ENTREP2: variants seen among roughly 807,000 people sequenced by gnomAD.
The protein encoded by ENTREP2 is protein ENTREP2.
chr15:29,552,717 T>C, the ENTREP2 span, among the ~76,000 whole-genome samples: 1 of 152,202 alleles, frequency 6.6e-6, no homozygotes, highest in East Asian at 1.9e-4. Context: ...AAATGATATG[T>C]TACACGTCTA....
chr15:29,442,738 C>T, the ENTREP2 span, among the ~76,000 whole-genome samples: 6,332 of 152,308 alleles, frequency 0.042, 167 homozygotes, highest in South Asian at 0.12. Flanking sequence ...GGAAAGTCAG[C>T]CTCAGCGATG....
chr15:29,586,074 C>T, the ENTREP2 span, among the ~76,000 whole-genome samples: 4 of 152,152 alleles, frequency 2.6e-5, no homozygotes, highest in Admixed American at 6.6e-5. Context: ...CCTATATATC[C>T]CTCAACAGAT....
the ENTREP2 span, among the ~76,000 whole-genome samples, chr15:29,318,305 G>A: frequency 2.1e-5 from 3 of 142,582 alleles, no homozygotes; most frequent in Admixed American, 1.4e-4. Context: ...TTAAATTAAG[G>A]TATGTACACT....
At chr15:29,637,942 T>C in the ENTREP2 span, among the ~76,000 whole-genome samples, 3 of 152,160 alleles carry the variant, frequency 2.0e-5, no homozygotes, top group Admixed American at 6.5e-5. Flanking sequence ...GTCGGAGTTA[T>C]TGTTGGCCAG....
chr15:29,670,213 A>T, the ENTREP2 span, among the ~76,000 whole-genome samples: 1 of 152,212 alleles, frequency 6.6e-6, no homozygotes, highest in East Asian at 1.9e-4. Context: ...GGGAGGTGAC[A>T]GCAGTGCGGT....
At chr15:29,464,060 G>C in the ENTREP2 span, among the ~76,000 whole-genome samples, 1 of 152,180 alleles carries the variant, frequency 6.6e-6, no homozygotes, top group Non-Finnish European at 1.5e-5. Flanking sequence ...GGGGAGAAGG[G>C]AGATCATGTT....
At chr15:29,622,585 A>C in the ENTREP2 span, among the ~76,000 whole-genome samples, 10 of 152,144 alleles carry the variant, frequency 6.6e-5, no homozygotes, top group Non-Finnish European at 1.5e-4. Flanking sequence ...GAAACTACCA[A>C]GGAGAAGGTG....
At chr15:29,600,898 C>CTTTTTTTTTTTTTTTTTTTTTTTTT in the ENTREP2 span, among the ~76,000 whole-genome samples, 82 of 125,396 alleles carry the variant, frequency 6.5e-4, 11 homozygotes, top group East Asian at 1.1e-3. Context: ...TATGATTTTT[C>CTTTTTTTTTTTTTTTTTTTTTTTTT]TTTCTTTTTT....
the ENTREP2 span, chr15:29,123,016 T>C: frequency 1.6e-5 from 4 of 249,238 alleles, no homozygotes; most frequent in African/African-American, 8.8e-5. Flanking sequence ...CCTGTTGCTG[T>C]ATTCACATTT....
chr15:29,597,071 A>G, the ENTREP2 span, among the ~76,000 whole-genome samples: 1 of 134,540 alleles, frequency 7.4e-6, no homozygotes, highest in Admixed American at 7.5e-5. Context: ...ATATGCCATT[A>G]TAGTATCACT....
the ENTREP2 span, among the ~76,000 whole-genome samples, chr15:29,655,598 T>G: frequency 6.6e-6 from 1 of 152,136 alleles, no homozygotes; most frequent in East Asian, 1.9e-4. Context: ...ACAGGAAATT[T>G]AAGATAACTA....
the ENTREP2 span, among the ~76,000 whole-genome samples, chr15:29,645,178 C>T: frequency 3.2e-4 from 48 of 152,264 alleles, no homozygotes; most frequent in Non-Finnish European, 4.3e-4. Context: ...AAAAGAAATC[C>T]ATGGCCCTCC....
chr15:29,632,228 T>C, the ENTREP2 span, among the ~76,000 whole-genome samples: 1 of 152,206 alleles, frequency 6.6e-6, no homozygotes, highest in African/African-American at 2.4e-5. Context: ...CCAGGCTGCC[T>C]GCCTCTTTTT....
chr15:29,186,179 C>A, the ENTREP2 span, among the ~76,000 whole-genome samples: 1 of 152,192 alleles, frequency 6.6e-6, no homozygotes, highest in African/African-American at 2.4e-5. Flanking sequence ...TGTGTGCTAA[C>A]CCTAAACAGA....
chr15:29,427,481 T>G, the ENTREP2 span, among the ~76,000 whole-genome samples: 2 of 152,118 alleles, frequency 1.3e-5, no homozygotes, highest in Admixed American at 1.3e-4. Context: ...ATGGGTTGGG[T>G]TGGTAGGACT....
the ENTREP2 span, among the ~76,000 whole-genome samples, chr15:29,415,824 G>A: frequency 1.3e-5 from 2 of 152,096 alleles, no homozygotes; most frequent in Admixed American, 6.5e-5. Flanking sequence ...AAATCAATGT[G>A]CAAAAATCAC....
At chr15:29,643,717 C>T in the ENTREP2 span, among the ~76,000 whole-genome samples, 2 of 149,560 alleles carry the variant, frequency 1.3e-5, no homozygotes, top group African/African-American at 2.5e-5. Context: ...GGAGGCGGAG[C>T]TTGCAGTGAG....
At chr15:29,166,695 C>T in the ENTREP2 span, among the ~76,000 whole-genome samples, 1 of 152,108 alleles carries the variant, frequency 6.6e-6, no homozygotes, top group Admixed American at 6.6e-5. Flanking sequence ...TGAAACACAT[C>T]CCAGGCTCGT....
chr15:29,180,875 A>T, the ENTREP2 span, among the ~76,000 whole-genome samples: 15 of 152,122 alleles, frequency 9.9e-5, no homozygotes, highest in East Asian at 2.5e-3. Context: ...TATATGAGGA[A>T]GAAAGACTGA....
Sources: gnomAD v4.1 joint callset for allele counts (sites outside exome capture counted in the v4.1 genomes callset) on GRCh38, gnomAD v4.1.1 for gene constraint, MANE v1.5 for transcripts, NCBI Gene and HGNC (gene_info 2026-07-23, HGNC 2026-07-21) for gene names.